The following GRIA1 variants were observed in gnomAD, a reference collection of about 807,000 sequenced individuals.
GRIA1 encodes the protein glutamate ionotropic receptor AMPA type subunit 1, also known as glutamate receptor 1.
A neutral mutation model predicts 99.2 loss-of-function variants in GRIA1; 31 were observed. The observed-to-expected ratio is 0.31, with a 90% CI of 0.23 to 0.42. The LOEUF (loss-of-function observed/expected upper bound fraction) is 0.42. GRIA1 is among the 10% of genes least tolerant of loss of function. GRIA1 has a pLI of 1.00. For synonymous variants in GRIA1, 438 were observed against 432.4 expected, an observed-to-expected ratio of 1.01 and a Z score of -0.16; for missense variants, 782 against 1,157.5, an observed-to-expected ratio of 0.68 and a Z score of 4.71.
Position 153,705,292 on chromosome 5 carries a change from G to A in GRIA1, c.1453-405G>A, listed in dbSNP as rs189252031. Among the ~76,000 whole-genome samples, 36 of 152,246 alleles carry A rather than the reference G, an allele frequency of 2.4e-4. 2 individuals carry two copies. In the South Asian group the frequency reaches 4.6e-3, roughly 19 times the overall value. ...GGGTACATGGATTGACCGGGACCTG[G>A]GTCACCTGCTTCCCCATGTAGCCAG... is the stretch of plus-strand genomic sequence containing the variant. On this transcript the variant is annotated intron_variant, in intron 10 of 15. Transcript: ENST00000285900.
chr5:153,580,712 G>A (rs192713630), intron 2 of GRIA1, among the ~76,000 whole-genome samples: 1 of 152,256 alleles, frequency 6.6e-6, no homozygotes, highest in East Asian at 1.9e-4. Flanking sequence ...TTTCTGGGGG[G>A]TCAGCTGCAG....
At chr5:153,513,122 G>A (rs1756265068) in intron 2 of GRIA1, among the ~76,000 whole-genome samples, 1 of 152,212 alleles carries the variant, frequency 6.6e-6, no homozygotes, top group East Asian at 1.9e-4. Context: ...ATAGTATTTG[G>A]TTATGGCATC....
chr5:153,718,851 G>A (rs928184284), intron 11 of GRIA1, among the ~76,000 whole-genome samples: 12 of 152,188 alleles, frequency 7.9e-5, no homozygotes, highest in Admixed American at 7.2e-4. Flanking sequence ...TCCAGCAGGA[G>A]GAGGAAGGCT....
intron 3 of GRIA1, among the ~76,000 whole-genome samples, chr5:153,647,528 T>G (rs1467575936): frequency 6.6e-6 from 1 of 152,172 alleles, no homozygotes; most frequent in Admixed American, 6.5e-5. Context: ...CTGCCTCAAT[T>G]TCAGCACTTA....
At chr5:153,549,521 G>T (rs1303246739) in intron 2 of GRIA1, among the ~76,000 whole-genome samples, 3 of 152,136 alleles carry the variant, frequency 2.0e-5, no homozygotes, top group African/African-American at 4.8e-5. Flanking sequence ...ACTTGAGAAA[G>T]TTCAGGGTGA....
At chr5:153,537,702 C>T (rs1758712175) in intron 2 of GRIA1, among the ~76,000 whole-genome samples, 1 of 152,202 alleles carries the variant, frequency 6.6e-6, no homozygotes, top group African/African-American at 2.4e-5. Context: ...TAGATAAGTG[C>T]TGCAACCAAA....
intron 11 of GRIA1, among the ~76,000 whole-genome samples, chr5:153,716,302 A>G (rs1335129104): frequency 6.6e-6 from 1 of 152,196 alleles, no homozygotes; most frequent in Non-Finnish European, 1.5e-5. Flanking sequence ...AACCTGTGTC[A>G]GTCTGATTCT....
intron 13 of GRIA1, among the ~76,000 whole-genome samples, chr5:153,775,023 C>T (rs1764127391): frequency 6.6e-6 from 1 of 152,184 alleles, no homozygotes. Context: ...TGTTATGTTT[C>T]ACAAGCCCTC....
At chr5:153,634,523 G>A (rs920799925) in intron 2 of GRIA1, among the ~76,000 whole-genome samples, 31 of 152,076 alleles carry the variant, frequency 2.0e-4, no homozygotes, top group African/African-American at 7.5e-4. Context: ...AGAAAGACCA[G>A]CATGAAGCCC....
At chr5:153,713,573 G>A (rs1180524235) in intron 11 of GRIA1, among the ~76,000 whole-genome samples, 1 of 152,222 alleles carries the variant, frequency 6.6e-6, no homozygotes, top group East Asian at 1.9e-4. Flanking sequence ...AAGCTCCAAA[G>A]GCAGCATGGA....
chr5:153,692,993 T>A (rs1757865912), intron 8 of GRIA1, among the ~76,000 whole-genome samples: 1 of 152,182 alleles, frequency 6.6e-6, no homozygotes, highest in South Asian at 2.1e-4. Context: ...CTTTTAAGTG[T>A]GTTAATTTAG....
intron 2 of GRIA1, among the ~76,000 whole-genome samples, chr5:153,574,681 G>C (rs1361296083): frequency 6.6e-6 from 1 of 152,076 alleles, no homozygotes; most frequent in Non-Finnish European, 1.5e-5. Context: ...GAATGAAAGG[G>C]TAAGCAGCTG....
chr5:153,730,415 T>A (rs1430809744), intron 11 of GRIA1, among the ~76,000 whole-genome samples: 1 of 152,098 alleles, frequency 6.6e-6, no homozygotes, highest in Admixed American at 6.6e-5. Flanking sequence ...AAATAGTATT[T>A]TATTAGCATG....
chr5:153,719,523 C>T (rs940869147), intron 11 of GRIA1, among the ~76,000 whole-genome samples: 5 of 151,992 alleles, frequency 3.3e-5, no homozygotes, highest in Non-Finnish European at 7.4e-5. Context: ...GGCCTGAATA[C>T]CTACACGTGC....
chr5:153,664,581 C>A (rs1182882377), intron 5 of GRIA1, among the ~76,000 whole-genome samples: 1 of 151,988 alleles, frequency 6.6e-6, no homozygotes, highest in Non-Finnish European at 1.5e-5. Flanking sequence ...AAGTTTGGGT[C>A]CACTCATTTT....
chr5:153,774,368 A>G (rs568626155), intron 13 of GRIA1, among the ~76,000 whole-genome samples: 26 of 152,286 alleles, frequency 1.7e-4, no homozygotes, highest in Non-Finnish European at 3.1e-4. Context: ...GAAGAAGTCC[A>G]ATTTTGTTCA....
In GRIA1 at chr5:153,490,701, T is replaced by C; in HGVS notation, c.-188T>C. On this transcript the variant is annotated 5_prime_UTR_variant, in exon 1 of 16. Transcript: ENST00000285900. ...TCTGGCTGTCAGTTGGTGTTAACGCTGCAGTTTAAGTGTTCGGATTCCAAG... is the reference window on the plus strand; with the variant it reads ...TCTGGCTGTCAGTTGGTGTTAACGCCGCAGTTTAAGTGTTCGGATTCCAAG... 1.5e-6 allele frequency: 1 copy of C among 672,158 alleles called. No homozygotes were observed. The highest frequency in any genetic ancestry group is 2.7e-6 in the Non-Finnish European group (1 of 369,482). The allele number at this position is 672,158 out of a possible 1,614,324, so 41.6% of individuals were successfully genotyped here.
At chr5:153,759,639 T>C (rs1763049107) in intron 11 of GRIA1, among the ~76,000 whole-genome samples, 1 of 152,000 alleles carries the variant, frequency 6.6e-6, no homozygotes, top group Non-Finnish European at 1.5e-5. Flanking sequence ...GAAGAACTAA[T>C]TTAATTATTC....
intron 11 of GRIA1, among the ~76,000 whole-genome samples, chr5:153,763,605 C>G (rs1327069937): frequency 2.0e-5 from 3 of 152,146 alleles, no homozygotes; most frequent in Non-Finnish European, 2.9e-5. Flanking sequence ...AAGTCACATG[C>G]AAATCATCTT....
Sources: gnomAD v4.1 joint callset for allele counts (sites outside exome capture counted in the v4.1 genomes callset) on GRCh38, gnomAD v4.1.1 for gene constraint, MANE v1.5 for transcripts, NCBI Gene and HGNC (gene_info 2026-07-23, HGNC 2026-07-21) for gene names.